The following SLC30A6 variants were observed in gnomAD, a reference collection of about 807,000 sequenced individuals.
SLC30A6 encodes zinc transporter 6.
Under a neutral mutation model 63.0 loss-of-function variants are expected in SLC30A6, and 55 were observed. The ratio of observed to expected loss-of-function variants is 0.87; its 90% CI spans 0.70 to 1.09. SLC30A6 has a LOEUF of 1.09. Among genes scored for constraint, SLC30A6 ranks in the 50% least tolerant of loss-of-function variants. SLC30A6 has a pLI of 0.00. For synonymous variants in SLC30A6, 224 were observed against 186.1 expected (o/e 1.20, Z -1.66); for missense variants, 587 against 549.2 (o/e 1.07, Z -0.69).
rs1384193700 is a variant in SLC30A6, at chr2:32,220,722, A to C, written c.*9A>C. The C allele has an allele frequency of 6.3e-7, 1 of 1,596,644 alleles. No homozygotes were observed. Among genetic ancestry groups the C allele is most frequent in the African/African-American group, 1.3e-5 (1 of 74,078 alleles). On this transcript the variant is annotated 3_prime_UTR_variant, in exon 14 of 14. Coordinates refer to ENST00000282587, the MANE Select transcript of SLC30A6 (RefSeq NM_017964.5). ...GACAACCAAGACCATGATAGACTCTAACTTATTTTTATAAGGAATATTGAC... is the reference window on the plus strand; with the variant it reads ...GACAACCAAGACCATGATAGACTCTCACTTATTTTTATAAGGAATATTGAC...
chr2:32,218,925 C>T (rs1685932223), intron 13 of SLC30A6, among the ~76,000 whole-genome samples: 1 of 152,154 alleles, frequency 6.6e-6, no homozygotes, highest in African/African-American at 2.4e-5. Context: ...TCTATACCTA[C>T]AATTTTTCTG....
At chr2:32,209,440 A>G in intron 12 of SLC30A6, 53 bp from the exon 13 acceptor site, 1 of 1,410,202 alleles carries the variant, frequency 7.1e-7, no homozygotes, top group Non-Finnish European at 9.8e-7. Flanking sequence ...ACTAAACTGC[A>G]TTGGATATGT....
At chr2:32,193,298 C>T (rs543034172) in intron 7 of SLC30A6, among the ~76,000 whole-genome samples, 27 of 152,030 alleles carry the variant, frequency 1.8e-4, no homozygotes, top group East Asian at 5.8e-4. Context: ...GAGAATTGGA[C>T]GAGGCTCAGG....
intron 12 of SLC30A6, among the ~76,000 whole-genome samples, chr2:32,207,426 G>C (rs1220328400): frequency 4.6e-5 from 7 of 151,510 alleles, no homozygotes; most frequent in Admixed American, 1.3e-4. Flanking sequence ...GCCCAGGCTG[G>C]AGTGCAATGG....
intron 13 of SLC30A6, among the ~76,000 whole-genome samples, chr2:32,218,684 G>T (rs1214674213): frequency 6.6e-6 from 1 of 152,170 alleles, no homozygotes; most frequent in Admixed American, 6.5e-5. Flanking sequence ...AGCCTCCTGA[G>T]TAGTTGGGAT....
chr2:32,181,347 TAC>T (rs1682290045), intron 4 of SLC30A6, among the ~76,000 whole-genome samples: 1 of 152,194 alleles, frequency 6.6e-6, no homozygotes, highest in Non-Finnish European at 1.5e-5. Flanking sequence ...AACTGTGATG[TAC>T]TGTAAGTTGT....
chr2:32,192,286 G>C (rs374109132), intron 5 of SLC30A6, 50 bp from the exon 6 acceptor site: 7 of 1,535,402 alleles, frequency 4.6e-6, no homozygotes, highest in Non-Finnish European at 1.8e-6. Flanking sequence ...AGAGAGACTG[G>C]TTTGTGAATT....
intron 5 of SLC30A6, among the ~76,000 whole-genome samples, chr2:32,186,811 A>G (rs1682860373): frequency 6.6e-6 from 1 of 151,914 alleles, no homozygotes; most frequent in African/African-American, 2.4e-5. Context: ...ATCCTGAGCA[A>G]AGAGCGAGAC....
At chr2:32,194,096 A>G in intron 8 of SLC30A6, 113 bp downstream of exon 8, 2 of 764,016 alleles carry the variant, frequency 2.6e-6, no homozygotes, top group Non-Finnish European at 4.0e-6. Flanking sequence ...TGAAGACAAG[A>G]GAGAACTAGC....
rs144438484 is a variant in SLC30A6 at position 32,166,091 on chromosome 2, T to G, written c.3+188T>G. Among the ~76,000 whole-genome samples the G allele has an allele frequency of 9.6e-3, 1,467 of 152,352 alleles. 27 individuals are homozygous for G. The highest frequency in any genetic ancestry group is 0.049 in the South Asian group (238 of 4,830). On this transcript the variant is annotated intron_variant, in intron 1 of 13. Transcript: ENST00000282587. ...CAGAGTTCTGGTCCCTTTCGGTCCC[T>G]CACCTGTTCCGCAGGCGCTCACGAT...
chr2:32,193,257 T>G (rs971310077), intron 7 of SLC30A6, among the ~76,000 whole-genome samples: 3 of 152,082 alleles, frequency 2.0e-5, no homozygotes, highest in Non-Finnish European at 4.4e-5. Flanking sequence ...AAATTTGACC[T>G]TCAAAATCTT....
chr2:32,168,807 A>G (rs1020748007), intron 1 of SLC30A6, among the ~76,000 whole-genome samples: 12 of 152,210 alleles, frequency 7.9e-5, no homozygotes, highest in Non-Finnish European at 1.3e-4. Context: ...TAAGACTGGA[A>G]AGAAACAGGC....
chr2:32,206,432 C>T (rs889326328), intron 11 of SLC30A6, among the ~76,000 whole-genome samples: 14 of 106,292 alleles, frequency 1.3e-4, no homozygotes, highest in Non-Finnish European at 2.0e-4. Context: ...GGCGACAGAG[C>T]GAGATTCCAA....
intron 4 of SLC30A6, among the ~76,000 whole-genome samples, chr2:32,180,518 C>T (rs762777912): frequency 7.9e-5 from 12 of 152,126 alleles, no homozygotes; most frequent in Admixed American, 2.6e-4. Context: ...ATGCAGCCTC[C>T]ACCTCCCGGT....
At chr2:32,190,720 G>A (rs1453768582) in intron 5 of SLC30A6, among the ~76,000 whole-genome samples, 2 of 152,132 alleles carry the variant, frequency 1.3e-5, no homozygotes, top group African/African-American at 4.8e-5. Flanking sequence ...CATCTCCCAG[G>A]TTCAAGCAAT....
chr2:32,171,854 G>T (rs768245843), intron 2 of SLC30A6, among the ~76,000 whole-genome samples: 4 of 151,958 alleles, frequency 2.6e-5, no homozygotes, highest in Non-Finnish European at 4.4e-5. Context: ...CACCACGCCC[G>T]GCTAATTTTT....
At chr2:32,191,028 G>A (rs1458006064) in intron 5 of SLC30A6, among the ~76,000 whole-genome samples, 1 of 152,152 alleles carries the variant, frequency 6.6e-6, no homozygotes, top group Non-Finnish European at 1.5e-5. Flanking sequence ...TTTGTACTTG[G>A]ATTAGTACTG....
At chr2:32,188,339 T>C (rs1290885377) in intron 5 of SLC30A6, among the ~76,000 whole-genome samples, 2 of 152,224 alleles carry the variant, frequency 1.3e-5, no homozygotes. Context: ...CAGACTACTA[T>C]AATTCTCTGT....
At chr2:32,202,769 A>G in intron 10 of SLC30A6, 1 of 716,756 alleles carries the variant, frequency 1.4e-6, no homozygotes, top group Middle Eastern at 2.7e-4. Context: ...CTCAGACTTT[A>G]CTTTTTTCTG....
Sources: allele counts gnomAD v4.1 joint callset (sites outside exome capture counted in the v4.1 genomes callset), GRCh38; gene constraint gnomAD v4.1.1; transcripts MANE v1.5; gene names NCBI Gene and HGNC (gene_info 2026-07-23, HGNC 2026-07-21).